The following MGAT4C variants were observed in gnomAD, a reference collection of about 807,000 sequenced individuals.
MGAT4C encodes the protein MGAT4 family member C.
In MGAT4C, 19 loss-of-function variants were observed where a neutral mutation model predicts 40.1. That is an observed-to-expected ratio of 0.47 (90% confidence interval 0.33 to 0.70). MGAT4C has a LOEUF of 0.70. MGAT4C is among the 30% of genes least tolerant of loss of function. The pLI is 0.02. For synonymous variants in MGAT4C, 181 were observed against 187.1 expected (o/e 0.97, Z 0.27); for missense variants, 491 against 563.2 (o/e 0.87, Z 1.30).
At chr12:86,575,627 C>T (rs1960530556) in intron 2 of MGAT4C, among the ~76,000 whole-genome samples, 1 of 151,802 alleles carries the variant, frequency 6.6e-6, no homozygotes, top group South Asian at 2.1e-4. Flanking sequence ...ACTTAGGTTG[C>T]TTCCAAATCT....
chr12:86,231,915 G>T (rs918138869), intron 1 of MGAT4C, among the ~76,000 whole-genome samples: 6 of 152,132 alleles, frequency 3.9e-5, no homozygotes, highest in African/African-American at 1.4e-4. Flanking sequence ...AAGGCGGGGT[G>T]ATCACTTGAG....
At chr12:86,446,570 T>C (rs899667824) in intron 2 of MGAT4C, among the ~76,000 whole-genome samples, 3 of 149,422 alleles carry the variant, frequency 2.0e-5, no homozygotes, top group South Asian at 4.2e-4. Flanking sequence ...ACTTTCTTAA[T>C]ATGAATACCA....
intron 1 of MGAT4C, among the ~76,000 whole-genome samples, chr12:86,081,445 A>C (rs962252779): frequency 6.6e-6 from 1 of 152,172 alleles, no homozygotes; most frequent in Non-Finnish European, 1.5e-5. Context: ...TTATAATATT[A>C]CATTTGTTTT....
chr12:86,697,247 C>G (rs1950275445), intron 2 of MGAT4C, among the ~76,000 whole-genome samples: 1 of 152,022 alleles, frequency 6.6e-6, no homozygotes, highest in African/African-American at 2.4e-5. Context: ...CAATATTTCT[C>G]CCTGTTTGTA....
At chr12:86,386,285 A>C (rs1956049821) in intron 3 of MGAT4C, among the ~76,000 whole-genome samples, 1 of 152,212 alleles carries the variant, frequency 6.6e-6, no homozygotes, top group Non-Finnish European at 1.5e-5. Flanking sequence ...CAGATGATAC[A>C]GTGCCAAACA....
chr12:86,116,073 T>A (rs528616195), intron 1 of MGAT4C, among the ~76,000 whole-genome samples: 2 of 152,052 alleles, frequency 1.3e-5, no homozygotes, highest in East Asian at 1.9e-4. Context: ...GAAATGAATA[T>A]GCTTGATATG....
At chr12:86,452,207 T>TA in intron 2 of MGAT4C, among the ~76,000 whole-genome samples, 1 of 151,932 alleles carries the variant, frequency 6.6e-6, no homozygotes, top group Non-Finnish European at 1.5e-5. Flanking sequence ...CTTTTTTTTT[T>TA]ATATACTTTT....
At chr12:86,564,132 C>T (rs1189704922) in intron 2 of MGAT4C, among the ~76,000 whole-genome samples, 2 of 152,164 alleles carry the variant, frequency 1.3e-5, no homozygotes, top group African/African-American at 2.4e-5. Context: ...TTCAACTCTC[C>T]TATTTGGCCT....
At chr12:86,230,909 C>T (rs1248610076) in intron 1 of MGAT4C, among the ~76,000 whole-genome samples, 5 of 149,158 alleles carry the variant, frequency 3.4e-5, no homozygotes, top group African/African-American at 9.9e-5. Flanking sequence ...ACGTGCCAAA[C>T]GGGAAAAGTA....
chr12:86,226,419 T>C (rs1951077214), intron 1 of MGAT4C, among the ~76,000 whole-genome samples: 1 of 151,964 alleles, frequency 6.6e-6, no homozygotes, highest in Non-Finnish European at 1.5e-5. Context: ...CTGTGTCAAC[T>C]CATTTCTCAT....
At chr12:86,512,524 A>T (rs540637822) in intron 2 of MGAT4C, among the ~76,000 whole-genome samples, 1 of 152,220 alleles carries the variant, frequency 6.6e-6, no homozygotes, top group East Asian at 1.9e-4. Flanking sequence ...AAGTATGGAA[A>T]TTTTTAATTG....
intron 4 of MGAT4C, among the ~76,000 whole-genome samples, chr12:86,330,678 T>C (rs1364649793): frequency 1.3e-5 from 2 of 152,232 alleles, no homozygotes; most frequent in Non-Finnish European, 2.9e-5. Context: ...GTTTTCATTA[T>C]CTGATTTCAT....
At chr12:86,576,946 A>G (rs1960585507) in intron 2 of MGAT4C, among the ~76,000 whole-genome samples, 1 of 151,828 alleles carries the variant, frequency 6.6e-6, no homozygotes, top group African/African-American at 2.4e-5. Context: ...GATTCTTCCA[A>G]TCTATGCAAA....
intron 1 of MGAT4C, among the ~76,000 whole-genome samples, chr12:86,085,562 T>A (rs1335436043): frequency 2.0e-5 from 3 of 152,060 alleles, no homozygotes; most frequent in East Asian, 3.9e-4. Context: ...TATATATCTG[T>A]TTTGGTACCA....
chr12:86,265,944 T>C (rs1592617080), intron 4 of MGAT4C, among the ~76,000 whole-genome samples: 1 of 152,224 alleles, frequency 6.6e-6, no homozygotes, highest in East Asian at 1.9e-4. Context: ...TCAGCTAAAT[T>C]GTTGCTGGTC....
intron 1 of MGAT4C, among the ~76,000 whole-genome samples, chr12:86,184,411 T>C (rs1224783439): frequency 6.6e-6 from 1 of 151,794 alleles, no homozygotes; most frequent in Non-Finnish European, 1.5e-5. Context: ...ATTTACTATG[T>C]GCCAGGACAT....
intron 1 of MGAT4C, among the ~76,000 whole-genome samples, chr12:86,121,912 T>G (rs1879438166): frequency 6.6e-6 from 1 of 152,218 alleles, no homozygotes; most frequent in Non-Finnish European, 1.5e-5. Flanking sequence ...TACAAATGAT[T>G]AATTTTAACA....
At chr12:86,321,957 A>G (rs944963104) in intron 4 of MGAT4C, among the ~76,000 whole-genome samples, 3 of 152,208 alleles carry the variant, frequency 2.0e-5, no homozygotes, top group East Asian at 1.9e-4. Context: ...ACAATAGCAA[A>G]GACTTGGAAC....
chr12:86,103,788 T>G (rs1266250400), intron 1 of MGAT4C, among the ~76,000 whole-genome samples: 2 of 152,100 alleles, frequency 1.3e-5, no homozygotes, highest in African/African-American at 4.8e-5. Context: ...CCATAGTCGA[T>G]TAGGCGACCT....
Sources: gnomAD v4.1 joint callset for allele counts (sites outside exome capture counted in the v4.1 genomes callset) on GRCh38, gnomAD v4.1.1 for gene constraint, MANE v1.5 for transcripts, NCBI Gene and HGNC (gene_info 2026-07-23, HGNC 2026-07-21) for gene names.